RUFY3: variants seen among roughly 807,000 people sequenced by gnomAD.
RUFY3 encodes the protein RUN and FYVE domain containing 3, also known as protein RUFY3.
Under a neutral mutation model 84.0 loss-of-function variants are expected in RUFY3, and 34 were observed. The ratio of observed to expected loss-of-function variants is 0.40; its 90% CI spans 0.31 to 0.54. RUFY3 has a LOEUF of 0.54. Ranked by LOEUF, RUFY3 falls within the 20% of genes least tolerant of loss-of-function variation. The probability of loss-of-function intolerance (pLI) is 0.39; values close to 1 mark genes in which losing one functional copy is unlikely to be tolerated. For missense variants in RUFY3, 507 were observed against 736.8 expected (o/e 0.69, Z 3.61); for synonymous variants, 242 against 252.9 (o/e 0.96, Z 0.41).
At chr4:70,723,519 CT>C (rs1717719660) in intron 1 of RUFY3, among the ~76,000 whole-genome samples, 1 of 143,246 alleles carries the variant, frequency 7.0e-6, no homozygotes, top group Admixed American at 6.7e-5. Flanking sequence ...GGTCTCTTGA[CT>C]TGCGACTTTT....
chr4:70,749,873 G>A (rs1320145045), intron 1 of RUFY3, among the ~76,000 whole-genome samples: 1 of 151,944 alleles, frequency 6.6e-6, no homozygotes, highest in East Asian at 1.9e-4. Flanking sequence ...GCCTGGTCTT[G>A]ACTCCTGAGG....
rs896929017 is a variant in RUFY3 at position 70,782,289 on chromosome 4, T to A, written c.895-802T>A. On this transcript the variant is annotated intron_variant, in intron 8 of 17. Transcript: ENST00000381006. ...AAGTAGCAGTAAGGTGATATTTTAT[T>A]TCTTTTTTTTTTTTTTTTGAGACCG... 6.0e-5 allele frequency among the ~76,000 whole-genome samples: 9 copies of A among 150,246 alleles called. No homozygotes were observed. In the East Asian group the frequency reaches 1.4e-3, roughly 23 times the overall value.
At chr4:70,762,025 A>G (rs1352879184) in intron 1 of RUFY3, among the ~76,000 whole-genome samples, 1 of 152,154 alleles carries the variant, frequency 6.6e-6, no homozygotes, top group Non-Finnish European at 1.5e-5. Context: ...GACTATTAAA[A>G]GACTACTCAG....
At chr4:70,704,746 T>C (rs1740054082), upstream of RUFY3, 2 of 359,402 alleles carry the variant, frequency 5.6e-6, no homozygotes, top group Admixed American at 9.8e-5. Context: ...TCCAGCTGGC[T>C]TGGACCCTGG....
At chr4:70,744,377 T>A (rs1002399066) in intron 1 of RUFY3, among the ~76,000 whole-genome samples, 1 of 151,094 alleles carries the variant, frequency 6.6e-6, no homozygotes, top group Non-Finnish European at 1.5e-5. Context: ...TATGTATGTA[T>A]GTATGTAGAG....
At chr4:70,804,487 G>A in intron 17 of RUFY3, 71 bp downstream of exon 17, 1 of 1,335,504 alleles carries the variant, frequency 7.5e-7, no homozygotes, top group Non-Finnish European at 1.1e-6. Flanking sequence ...CTCCCCAGGA[G>A]TAACAGGGAC....
chr4:70,781,181 G>A (rs993499104), intron 8 of RUFY3, among the ~76,000 whole-genome samples: 2 of 151,930 alleles, frequency 1.3e-5, no homozygotes, highest in African/African-American at 4.8e-5. Context: ...TTAAGCAGAT[G>A]AAGATATAAA....
At position 70,791,304 on chromosome 4, in the gene RUFY3, T is replaced by C. The variant is rs368252754; in HGVS notation, c.1337+1712T>C. ...GATCCCAAAACATCATTAGGCATTT[T>C]TAAGTTGGTCACGTCGCAAGTCCGA... is the stretch of plus-strand genomic sequence containing the variant. On this transcript the variant is annotated intron_variant, in intron 12 of 17. Transcript: ENST00000381006. 5.8e-5 allele frequency: 94 copies of C among 1,613,122 alleles called. No individual in the cohort carries two copies. In the African/African-American group the frequency reaches 1.0e-3, roughly 17 times the overall value.
At chr4:70,714,069 C>T (rs73824859) in intron 1 of RUFY3, among the ~76,000 whole-genome samples, 5,824 of 152,222 alleles carry the variant, frequency 0.038, 148 homozygotes, top group Middle Eastern at 0.065. Context: ...TTATTATCCC[C>T]ATTTTGTTAA....
intron 2 of RUFY3, 46 bp from the exon 3 acceptor site, chr4:70,763,506 A>T (rs1207896922): frequency 6.8e-7 from 1 of 1,477,730 alleles, no homozygotes. Context: ...GAGTGCGCTT[A>T]TGTTGTAAAG....
chr4:70,793,388 A>G, intron 12 of RUFY3: 1 of 1,046,908 alleles, frequency 9.6e-7, no homozygotes, highest in Non-Finnish European at 1.2e-6. Context: ...GTAAAACAGA[A>G]AAATTAAGTA....
chr4:70,759,356 TTGTGTGTGTGTGTGTA>T (rs1052560782), intron 1 of RUFY3, among the ~76,000 whole-genome samples: 19 of 120,008 alleles, frequency 1.6e-4, no homozygotes, highest in African/African-American at 6.0e-4. Flanking sequence ...ATGGCTGAAT[TTGTGTGTGTGTGTGTA>T]TGTGTGTGTG....
chr4:70,768,084 C>G (rs1426311750), intron 4 of RUFY3, among the ~76,000 whole-genome samples: 2 of 152,154 alleles, frequency 1.3e-5, no homozygotes, highest in Non-Finnish European at 2.9e-5. Flanking sequence ...GTCCTCCCGC[C>G]TTGGTCTCCC....
chr4:70,740,307 C>A (rs996840253), intron 1 of RUFY3, among the ~76,000 whole-genome samples: 2 of 152,148 alleles, frequency 1.3e-5, no homozygotes, highest in African/African-American at 2.4e-5. Context: ...AAACTTTAAT[C>A]TCTGTTTTAA....
intron 1 of RUFY3, among the ~76,000 whole-genome samples, chr4:70,714,087 A>G (rs1741304101): frequency 6.6e-6 from 1 of 152,186 alleles, no homozygotes; most frequent in African/African-American, 2.4e-5. Context: ...TAATGTAGAA[A>G]TGGGCACAGA....
At chr4:70,766,596 A>G (rs1178719524) in intron 4 of RUFY3, among the ~76,000 whole-genome samples, 2 of 152,152 alleles carry the variant, frequency 1.3e-5, no homozygotes, top group African/African-American at 4.8e-5. Flanking sequence ...GTGGTTTTAA[A>G]TTTATAGCAA....
At chr4:70,743,889 T>A (rs1014633550) in intron 1 of RUFY3, among the ~76,000 whole-genome samples, 55 of 152,240 alleles carry the variant, frequency 3.6e-4, no homozygotes, top group Admixed American at 2.9e-3. Context: ...CTGCTTTTCT[T>A]GCCTCATGGT....
At chr4:70,732,823 G>A (rs975395573) in intron 1 of RUFY3, among the ~76,000 whole-genome samples, 1 of 151,922 alleles carries the variant, frequency 6.6e-6, no homozygotes, top group Non-Finnish European at 1.5e-5. Flanking sequence ...ACGAGTTGAT[G>A]GGTGCAGCAA....
At chr4:70,720,888 CGTGTGTGTGTGTGTGTGTGTGTGT>C (rs71210198), upstream of RUFY3, among the ~76,000 whole-genome samples, 600 of 138,560 alleles carry the variant, frequency 4.3e-3, 5 homozygotes, top group African/African-American at 0.015. Context: ...AATATAGGGC[CGTGTGTGTGTGTGTGTGTGTGTGT>C]GTGTGTGTGT....
Sources: gnomAD v4.1 joint callset for allele counts (sites outside exome capture counted in the v4.1 genomes callset) on GRCh38, gnomAD v4.1.1 for gene constraint, MANE v1.5 for transcripts, NCBI Gene and HGNC (gene_info 2026-07-23, HGNC 2026-07-21) for gene names.